The following COL2A1 variants were observed in gnomAD, a reference collection of about 807,000 sequenced individuals.
The protein encoded by COL2A1 is collagen type II alpha 1 chain.
COL2A1 carries 28 observed loss-of-function variants against 204.5 expected under a neutral mutation model. The ratio of observed to expected loss-of-function variants is 0.14; its 90% CI spans 0.10 to 0.19. The LOEUF is 0.19. Among genes scored for constraint, COL2A1 ranks in the 10% least tolerant of loss-of-function variants. The pLI is 1.00. For missense variants in COL2A1, 1,388 were observed against 2,027.5 expected (o/e 0.68, Z 6.06); for synonymous variants, 708 against 718.7 (o/e 0.99, Z 0.24).
chr12:47,984,227 C>T, intron 28 of COL2A1, 87 bp from the exon 29 acceptor site: 1 of 1,217,458 alleles, frequency 8.2e-7, no homozygotes, highest in Non-Finnish European at 1.2e-6. Flanking sequence ...TACTTCTGGC[C>T]CAGAGTTTCC....
At chr12:47,995,797 C>T in intron 9 of COL2A1, 34 bp from the exon 10 acceptor site, 3 of 1,612,220 alleles carry the variant, frequency 1.9e-6, no homozygotes, top group Non-Finnish European at 2.5e-6. Flanking sequence ...AGGTCAATCC[C>T]TATAAACTGC....
At position 47,993,979 on chromosome 12, in the gene COL2A1, A is replaced by G. The variant is rs776710721; in HGVS notation, c.870+15T>C. The G allele has an allele frequency of 2.5e-6, 4 of 1,613,956 alleles. No individual in the cohort carries two copies. Among genetic ancestry groups the G allele is most frequent in the Non-Finnish European group, 3.4e-6 (4 of 1,179,982 alleles). On this transcript the variant is annotated intron_variant, in intron 13 of 53. Coordinates refer to ENST00000380518, the MANE Select transcript of COL2A1 (RefSeq NM_001844.5). ...GGCATCTCTTCCTTCCAACCTTCTC[A>G]CCCGTGATACTTACTCTGTGACCTT...
chr12:47,973,558 G>C lies in COL2A1; in HGVS notation c.4318-5C>G. 5.0e-6 allele frequency: 8 copies of C among 1,613,994 alleles called. No individual in the cohort carries two copies. The highest frequency in any genetic ancestry group is 6.8e-6 in the Non-Finnish European group (8 of 1,179,982). On this transcript the variant is annotated splice_region_variant and splice_polypyrimidine_tract_variant and intron_variant, in intron 53 of 53. Transcript: ENST00000380518. ...GCCCCACTTACCGGTATGTTTCTAGGGGAGAAAAAAGGAGGAGGCTCTGTT... is the reference window on the plus strand; with the variant it reads ...GCCCCACTTACCGGTATGTTTCTAGCGGAGAAAAAAGGAGGAGGCTCTGTT...
At chr12:47,973,822 C>T (rs1377639176) in intron 53 of COL2A1, among the ~76,000 whole-genome samples, 3 of 152,180 alleles carry the variant, frequency 2.0e-5, no homozygotes, top group African/African-American at 7.2e-5. Flanking sequence ...CGCTTCTTCA[C>T]CCTGTACACA....
rs762143601 is a variant in COL2A1 at position 47,995,707 on chromosome 12, C to T, written c.708+3G>A. On this transcript the variant is annotated splice_donor_region_variant and intron_variant, in intron 10 of 53. Coordinates refer to ENST00000380518, the MANE Select transcript of COL2A1 (RefSeq NM_001844.5). ...GAAGGGACAGGGCCGTGCTGGTACT[C>T]ACAGAGACACCAGGTTCACCAGGTT... is the stretch of plus-strand genomic sequence containing the variant. 3 of 1,613,736 alleles carry T rather than the reference C, an allele frequency of 1.9e-6. No individual in the cohort carries two copies. The Admixed American group carries it at 5.0e-5, about 27-fold the overall frequency.
intron 16 of COL2A1, among the ~76,000 whole-genome samples, chr12:47,991,128 C>G (rs974270461): frequency 6.6e-6 from 1 of 152,214 alleles, no homozygotes; most frequent in Non-Finnish European, 1.5e-5. Context: ...TTGGCCACAG[C>G]CCCTCTGGGC....
chr12:48,003,205 C>T (rs954128165), intron 1 of COL2A1, among the ~76,000 whole-genome samples: 1 of 152,062 alleles, frequency 6.6e-6, no homozygotes, highest in Non-Finnish European at 1.5e-5. Context: ...AGGTGCAGTC[C>T]GAACAGCATT....
In COL2A1 at chr12:47,987,069, G is replaced by A. The variant is rs2136575400; in HGVS notation, c.1365+9C>T. On this transcript the variant is annotated intron_variant, in intron 21 of 53. Transcript: ENST00000380518. The surrounding 1 kb of genome is among the most constrained non-coding windows in gnomAD (Gnocchi z 4.1). Reference sequence around the variant, plus strand: ...TCAGTGGAACTTGGGGGTCACTTTGGGCTCTTACCGTCTGACCTTTCGGGC... The same window carrying A: ...TCAGTGGAACTTGGGGGTCACTTTGAGCTCTTACCGTCTGACCTTTCGGGC... The A allele has an allele frequency of 6.2e-7, 1 of 1,613,348 alleles. No homozygotes were observed. Among genetic ancestry groups the A allele is most frequent in the Non-Finnish European group, 8.5e-7 (1 of 1,179,304 alleles).
chr12:47,992,890 A>G lies in COL2A1; in HGVS notation c.1011T>C (p.Pro337=), dbSNP rs761001588. Residue 337 remains proline (P), a synonymous_variant, in exon 16 of 54, where the codon CCT becomes CCC. Coordinates refer to ENST00000380518, the MANE Select transcript of COL2A1 (RefSeq NM_001844.5). ...GTCAATTACTCACCGCAGCGCCAGC[A>G]GGGCCAGTCCGTCCTCTTTCACCAG... ...GLPGERGRTG[P]AGAAGARGND... is the part of the protein sequence containing the mutation. 31 of 1,614,102 alleles carry G rather than the reference A, an allele frequency of 1.9e-5. No homozygotes were observed. In the Admixed American group the frequency reaches 4.2e-4, roughly 22 times the overall value.
intron 35 of COL2A1, 131 bp from the exon 36 acceptor site, chr12:47,981,960 T>C: frequency 7.7e-7 from 1 of 1,301,310 alleles, no homozygotes; most frequent in Non-Finnish European, 1.1e-6. Flanking sequence ...GGCCCCATTT[T>C]AACAGAGAAG....
rs121912887 is a variant in COL2A1, at chr12:47,974,835, C to G, written c.3914G>C (p.Gly1305Ala). 2 of 1,614,150 alleles carry G rather than the reference C, an allele frequency of 1.2e-6. No homozygotes were observed. Among genetic ancestry groups the G allele is most frequent in the South Asian group, 1.1e-5 (1 of 91,080 alleles). Residue 1305 changes from glycine (G) to alanine (A), a missense_variant, in exon 52 of 54, where the codon GGC becomes GCC. Gly to Ala is a moderately conservative substitution (Grantham distance 60). Coordinates refer to ENST00000380518, the MANE Select transcript of COL2A1 (RefSeq NM_001844.5). ...SGDYWIDPNQGCTLDAMKVFC... is the reference protein window; with the variant it reads ...SGDYWIDPNQACTLDAMKVFC... ...AACCTTCATGGCGTCCAAGGTGCAG[C>G]CTTGGTTGGGGTCAATCCAGTAGTC...
chr12:47,977,650 T>C lies in COL2A1; in HGVS notation c.3115A>G (p.Ser1039Gly), dbSNP rs780375782. The change falls in exon 45 of 54, where the codon AGC becomes GGC. Residue 1039 changes from serine to glycine, a missense_variant. By Grantham distance (56) the Ser-to-Gly change is moderately conservative. Coordinates refer to ENST00000380518, the MANE Select transcript of COL2A1 (RefSeq NM_001844.5). The stretch of plus-strand genomic sequence containing the variant: ...CCAGGGGGGCCATCAGCACCGGGGC[T>C]TCCCTGGACAAAGTGAAACAAGAAT... ...GPAGEPGREG[S>G]PGADGPPGRD... The C allele has an allele frequency of 9.3e-6, 15 of 1,613,888 alleles. No homozygotes were observed. In the Admixed American group the frequency reaches 2.3e-4, roughly 25 times the overall value.
chr12:47,990,539 C>T (rs1317403220), intron 16 of COL2A1, among the ~76,000 whole-genome samples: 10 of 152,192 alleles, frequency 6.6e-5, no homozygotes, highest in Non-Finnish European at 1.5e-4. Context: ...AAGGCCTCCT[C>T]TTGGTTGACT....
chr12:47,978,952 G>A lies in COL2A1; in HGVS notation c.2734-194C>T, dbSNP rs1482502544. Among the ~76,000 whole-genome samples the A allele has an allele frequency of 6.6e-6, 1 of 151,812 alleles. No individual in the cohort carries two copies. Among genetic ancestry groups the A allele is most frequent in the African/African-American group, 2.4e-5 (1 of 41,282 alleles). On this transcript the variant is annotated intron_variant, in intron 41 of 53. Coordinates refer to ENST00000380518, the MANE Select transcript of COL2A1 (RefSeq NM_001844.5). This position sits in a 1 kb window ranked among gnomAD's most constrained non-coding sequence, Gnocchi z 5.5. ...CTTCTCACCATGTGAGACAGCTCTGGGCAGACAGCCCCAACTTCTCCAGCT... is the reference window on the plus strand; with the variant it reads ...CTTCTCACCATGTGAGACAGCTCTGAGCAGACAGCCCCAACTTCTCCAGCT...
chr12:47,984,346 C>A (rs2136560297), intron 28 of COL2A1, among the ~76,000 whole-genome samples, 200 bp downstream of exon 28: 1 of 152,268 alleles, frequency 6.6e-6, no homozygotes, highest in Middle Eastern at 3.4e-3. Context: ...TTCCCCAGCT[C>A]CCCGGCCTGC....
At position 47,982,265 on chromosome 12, in the gene COL2A1, C is replaced by A. The variant is rs1939134771; in HGVS notation, c.2302-105G>T. The A allele has an allele frequency of 2.8e-6, 3 of 1,062,078 alleles. No homozygotes were observed. In the South Asian group the frequency reaches 3.8e-5, roughly 13 times the overall value. The allele number at this position is 1,062,078 out of a possible 1,614,324, so 65.8% of individuals were successfully genotyped here. A position where few individuals can be genotyped will look rare whatever the true frequency, so the allele number is the denominator to read the frequency against. On this transcript the variant is annotated intron_variant, in intron 34 of 53. Transcript: ENST00000380518. ...TGCTAGGGAAAGCCCAGTCCCTGCCCAAGAGGAATTTGCTGTGGTCTCAGG... is the reference window on the plus strand; with the variant it reads ...TGCTAGGGAAAGCCCAGTCCCTGCCAAAGAGGAATTTGCTGTGGTCTCAGG...
At chr12:47,997,495 A>T in intron 7 of COL2A1, 111 bp downstream of exon 7, 8 of 1,584,314 alleles carry the variant, frequency 5.0e-6, no homozygotes, top group Non-Finnish European at 6.9e-6. Context: ...TGGACAGGCT[A>T]TGTACACACT....
At chr12:47,992,178 CTCTG>C (rs754984075) in intron 16 of COL2A1, among the ~76,000 whole-genome samples, 22 of 152,246 alleles carry the variant, frequency 1.4e-4, no homozygotes, top group Non-Finnish European at 3.1e-4. Context: ...AGCTAAACGC[CTCTG>C]TCTGGCACCC....
chr12:48,003,428 C>A (rs1400370848), intron 1 of COL2A1, among the ~76,000 whole-genome samples: 1 of 151,972 alleles, frequency 6.6e-6, no homozygotes, highest in East Asian at 1.9e-4. Flanking sequence ...GGGGTAAGAC[C>A]GCGGGGAAGG....
Sources: gnomAD v4.1 joint callset for allele counts (sites outside exome capture counted in the v4.1 genomes callset) on GRCh38, gnomAD v4.1.1 for gene constraint, Gnocchi (gnomAD v3.1) non-coding constraint, MANE v1.5 for transcripts, NCBI Gene and HGNC (gene_info 2026-07-23, HGNC 2026-07-21) for gene names.